BASP1: variants seen among roughly 807,000 people sequenced by gnomAD.
BASP1 encodes the protein brain abundant membrane attached signal protein 1.
In BASP1, 1 loss-of-function variant was observed where a neutral mutation model predicts 2.2. That is an observed-to-expected ratio of 0.46 (90% CI 0.16 to 2.17). The LOEUF (loss-of-function observed/expected upper bound fraction) is 2.17, where lower values mean the gene tolerates loss of function less well. Ranked by LOEUF, BASP1 falls within the 30% of genes most tolerant of loss-of-function variation. The probability of loss-of-function intolerance (pLI) is 0.27; values close to 1 mark genes in which losing one functional copy is unlikely to be tolerated. For synonymous variants in BASP1, 187 were observed against 154.2 expected, an observed-to-expected ratio of 1.21 and a Z score of -1.58; for missense variants, 352 against 327.2, an observed-to-expected ratio of 1.08 and a Z score of -0.58.
chr5:17,239,348 C>T (rs1351737436), intron 1 of BASP1, among the ~76,000 whole-genome samples: 7 of 152,180 alleles, frequency 4.6e-5, no homozygotes, highest in African/African-American at 1.7e-4. Context: ...CCGCCTCAGC[C>T]TCCCAAAGTG....
At chr5:17,218,956 G>C (rs895539917) in intron 1 of BASP1, among the ~76,000 whole-genome samples, 4 of 150,768 alleles carry the variant, frequency 2.7e-5, no homozygotes, top group African/African-American at 9.9e-5. Context: ...GCTGAAATTA[G>C]CACAGCACAC....
intron 1 of BASP1, among the ~76,000 whole-genome samples, chr5:17,230,774 G>A (rs1027420551): frequency 6.6e-6 from 1 of 151,900 alleles, no homozygotes; most frequent in Non-Finnish European, 1.5e-5. Flanking sequence ...CGTCATGTTG[G>A]CCAGGCTGGT....
At chr5:17,256,152 A>AT (rs1371983184) in intron 1 of BASP1, among the ~76,000 whole-genome samples, 1 of 152,188 alleles carries the variant, frequency 6.6e-6, no homozygotes, top group Non-Finnish European at 1.5e-5. Flanking sequence ...AGCACAAACA[A>AT]TTTGAAGGAC....
chr5:17,222,618 C>T lies in BASP1; in HGVS notation c.-10+4808C>T, dbSNP rs548370280. 1.8e-3 allele frequency among the ~76,000 whole-genome samples: 269 copies of T among 152,304 alleles called. 4 individuals carry two copies. Among genetic ancestry groups the T allele is most frequent in the African/African-American group, 6.3e-3 (260 of 41,556 alleles). On this transcript the variant is annotated intron_variant, in intron 1 of 1. Coordinates refer to ENST00000322611, the MANE Select transcript of BASP1 (RefSeq NM_006317.5). Reference sequence around the variant, plus strand: ...AGCAGTGTGATTAAAACAGCATTCTCCTTTTCCCTCTAGAAGTCAGAAATG... The same window carrying T: ...AGCAGTGTGATTAAAACAGCATTCTTCTTTTCCCTCTAGAAGTCAGAAATG...
At chr5:17,248,682 A>G (rs988422996) in intron 1 of BASP1, among the ~76,000 whole-genome samples, 1 of 152,138 alleles carries the variant, frequency 6.6e-6, no homozygotes, top group African/African-American at 2.4e-5. Flanking sequence ...TCCCCTGTAG[A>G]ATGTGAATGA....
Position 17,275,175 on chromosome 5 carries a change from C to T in BASP1, c.-9-33C>T, listed in dbSNP as rs750996170. ...GTGGTCCCCACACTTGCCTAGTAACCGCCGTTTTGTTTTGTTTTGTGTTTG... is the reference window on the plus strand; with the variant it reads ...GTGGTCCCCACACTTGCCTAGTAACTGCCGTTTTGTTTTGTTTTGTGTTTG... On this transcript the variant is annotated intron_variant, in intron 1 of 1. Transcript: ENST00000322611. The surrounding 1 kb of genome is among the most constrained non-coding windows in gnomAD (Gnocchi z 5.3). 2 of 1,604,594 alleles carry T rather than the reference C, an allele frequency of 1.2e-6. No homozygotes were observed. Among genetic ancestry groups the T allele is most frequent in the Non-Finnish European group, 1.7e-6 (2 of 1,174,460 alleles).
intron 1 of BASP1, among the ~76,000 whole-genome samples, chr5:17,245,837 A>G (rs1359665298): frequency 6.6e-6 from 1 of 152,180 alleles, no homozygotes; most frequent in African/African-American, 2.4e-5. Flanking sequence ...AGGGGGTAGC[A>G]GAAGCCCTGG....
intron 1 of BASP1, among the ~76,000 whole-genome samples, chr5:17,264,196 T>A (rs1740372457): frequency 6.6e-6 from 1 of 152,204 alleles, no homozygotes; most frequent in South Asian, 2.1e-4. Context: ...ACATAAATAT[T>A]TTAGATTTCT....
intron 1 of BASP1, among the ~76,000 whole-genome samples, chr5:17,228,068 G>T (rs1453175501): frequency 6.6e-6 from 1 of 152,234 alleles, no homozygotes; most frequent in Admixed American, 6.5e-5. Flanking sequence ...ACAGCTGCAT[G>T]TTACTAGTTT....
In BASP1 at chr5:17,276,222, A is replaced by G. The variant is rs1484428943; in HGVS notation, c.*322A>G. ...AGATCCGCGTCTGAAAGTGCAGTAC[A>G]TCGTTTGTACCTGAAACTGCCGCCA... On this transcript the variant is annotated 3_prime_UTR_variant, in exon 2 of 2. Coordinates refer to ENST00000322611, the MANE Select transcript of BASP1 (RefSeq NM_006317.5). The G allele has an allele frequency of 4.5e-6, 1 of 220,030 alleles. No homozygotes were observed. Among genetic ancestry groups the G allele is most frequent in the Non-Finnish European group, 9.7e-6 (1 of 103,318 alleles). 13.6% of individuals were successfully genotyped at this position (220,030 alleles called of 1,614,324 possible).
At chr5:17,248,422 A>G (rs935237865) in intron 1 of BASP1, among the ~76,000 whole-genome samples, 3 of 152,188 alleles carry the variant, frequency 2.0e-5, no homozygotes, top group Admixed American at 2.0e-4. Context: ...CTGAATGTCA[A>G]TACATATATG....
At chr5:17,241,377 G>A (rs1739859986) in intron 1 of BASP1, among the ~76,000 whole-genome samples, 1 of 152,308 alleles carries the variant, frequency 6.6e-6, no homozygotes. Context: ...TGTGATTACA[G>A]GAGTGAACCA....
In BASP1 at chr5:17,275,994, C is replaced by CTCTCTCCTCTCCTA; in HGVS notation, c.*106_*119dup. ...CTATCTCTCTCTCTATCTCCTCTCT[C>CTCTCTCCTCTCCTA]TCTCTCCTCTCCTATCTCTCCTCTC... is the stretch of plus-strand genomic sequence containing the variant. On this transcript the variant is annotated 3_prime_UTR_variant, in exon 2 of 2. Coordinates refer to ENST00000322611, the MANE Select transcript of BASP1 (RefSeq NM_006317.5). The surrounding 1 kb of genome is among the most constrained non-coding windows in gnomAD (Gnocchi z 5.3). 1.8e-6 allele frequency: 2 copies of CTCTCTCCTCTCCTA among 1,113,318 alleles called. No homozygotes were observed. The highest frequency in any genetic ancestry group is 2.4e-6 in the Non-Finnish European group (2 of 819,626). The allele number at this position is 1,113,318 out of a possible 1,614,324, so 69.0% of individuals were successfully genotyped here. A position where few individuals can be genotyped will look rare whatever the true frequency, so the allele number is the denominator to read the frequency against.
rs1454677755 is a variant in BASP1 at position 17,276,008 on chromosome 5, ATCTC to A, written c.*111_*114del. ...ATCTCCTCTCTCTCTCTCCTCTCCT[ATCTC>A]TCCTCTCTCTCTCTCCTATACTAAC... On this transcript the variant is annotated 3_prime_UTR_variant, in exon 2 of 2. Transcript: ENST00000322611. The A allele has an allele frequency of 2.2e-5, 20 of 916,898 alleles. No homozygotes were observed. The African/African-American group carries it at 3.4e-4, about 15-fold the overall frequency. The allele number at this position is 916,898 out of a possible 1,614,324, so 56.8% of individuals were successfully genotyped here.
At chr5:17,265,323 A>G (rs1424874172) in intron 1 of BASP1, among the ~76,000 whole-genome samples, 1 of 152,218 alleles carries the variant, frequency 6.6e-6, no homozygotes, top group Non-Finnish European at 1.5e-5. Flanking sequence ...AGACTTGAAT[A>G]ACATTAAATA....
chr5:17,219,919 A>C (rs936364473), intron 1 of BASP1, among the ~76,000 whole-genome samples: 1 of 152,184 alleles, frequency 6.6e-6, no homozygotes, highest in African/African-American at 2.4e-5. Flanking sequence ...TTTCCCCATT[A>C]CCTAACAGAA....
intron 1 of BASP1, among the ~76,000 whole-genome samples, chr5:17,231,863 T>C (rs929798657): frequency 2.6e-5 from 4 of 152,182 alleles, no homozygotes; most frequent in African/African-American, 9.7e-5. Context: ...AAGCACCCCA[T>C]GTCTGTTCAG....
intron 1 of BASP1, among the ~76,000 whole-genome samples, chr5:17,226,459 T>C (rs1232785321): frequency 1.3e-5 from 2 of 152,068 alleles, no homozygotes; most frequent in Non-Finnish European, 2.9e-5. Flanking sequence ...CCAAGGTAAA[T>C]AGTAACAAGA....
intron 1 of BASP1, among the ~76,000 whole-genome samples, chr5:17,234,147 A>G (rs528514857): frequency 7.1e-4 from 108 of 152,238 alleles, no homozygotes; most frequent in African/African-American, 2.6e-3. Flanking sequence ...AAACAAACAA[A>G]CAAAACAAAC....
Sources: gnomAD v4.1 joint callset for allele counts (sites outside exome capture counted in the v4.1 genomes callset) on GRCh38, gnomAD v4.1.1 for gene constraint, Gnocchi (gnomAD v3.1) non-coding constraint, MANE v1.5 for transcripts, NCBI Gene and HGNC (gene_info 2026-07-23, HGNC 2026-07-21) for gene names.